CA6: variants seen among roughly 807,000 people sequenced by gnomAD.
CA6 encodes the protein carbonate dehydratase VI.
Under a neutral mutation model 35.9 loss-of-function variants are expected in CA6, and 28 were observed. The ratio of observed to expected loss-of-function variants is 0.78; its 90% CI spans 0.58 to 1.07. CA6 has a LOEUF of 1.07. Ranked by LOEUF, CA6 falls within the 50% of genes least tolerant of loss-of-function variation. CA6 has a pLI of 0.00. For missense variants in CA6, 377 were observed against 382.0 expected, an observed-to-expected ratio of 0.99 and a Z score of 0.11; for synonymous variants, 148 against 152.6, an observed-to-expected ratio of 0.97 and a Z score of 0.22.
chr1:8,967,672 C>T lies in CA6; in HGVS notation c.585C>T (p.Thr195=). ...CTTCTTGGTCAGGACAAAGAACAACCCTGACTGGCCTTGACGTTCAGGACA... is the reference window on the plus strand; with the variant it reads ...CTTCTTGGTCAGGACAAAGAACAACTCTGACTGGCCTTGACGTTCAGGACA... The part of the protein sequence containing the change: ...ANIKYPGQRT[T]LTGLDVQDML... The change falls in exon 6 of 8, where the codon ACC becomes ACT. Residue 195 remains threonine (T), a synonymous_variant. Coordinates refer to ENST00000377443, the MANE Select transcript of CA6 (RefSeq NM_001215.4). 6.2e-7 allele frequency: 1 copy of T among 1,613,974 alleles called. No homozygotes were observed. The highest frequency in any genetic ancestry group is 2.2e-5 in the East Asian group (1 of 44,880).
chr1:8,967,836 T>G lies in CA6; in HGVS notation c.729+20T>G. 6.2e-7 allele frequency: 1 copy of G among 1,610,884 alleles called. No homozygotes were observed. On this transcript the variant is annotated intron_variant, in intron 6 of 7. Coordinates refer to ENST00000377443, the MANE Select transcript of CA6 (RefSeq NM_001215.4). ...ACACAGGTAATGTATGGTATCACTT[T>G]GCCGAAGTCTTCCCATTCGATTGCC...
intron 2 of CA6, among the ~76,000 whole-genome samples, chr1:8,950,446 G>C (rs918665175): frequency 6.6e-6 from 1 of 152,218 alleles, no homozygotes; most frequent in Non-Finnish European, 1.5e-5. Context: ...GCCACACACT[G>C]TCTAATGGCC....
At chr1:8,962,732 C>A in intron 5 of CA6, 76 bp downstream of exon 5, 1 of 1,298,386 alleles carries the variant, frequency 7.7e-7, no homozygotes, top group Non-Finnish European at 1.1e-6. Flanking sequence ...GCCCAGGGGG[C>A]AGGGGATTGA....
At chr1:8,950,420 G>A (rs564011619) in intron 2 of CA6, among the ~76,000 whole-genome samples, 22 of 152,202 alleles carry the variant, frequency 1.4e-4, no homozygotes, top group African/African-American at 5.3e-4. Flanking sequence ...TCAGGAGGTC[G>A]AGGGACTCAC....
At chr1:8,955,552 T>C (rs188722861) in intron 2 of CA6, among the ~76,000 whole-genome samples, 240 of 152,000 alleles carry the variant, frequency 1.6e-3, no homozygotes, top group African/African-American at 5.5e-3. Flanking sequence ...TACTGTCCAT[T>C]TAGGGAGCTC....
intron 2 of CA6, among the ~76,000 whole-genome samples, chr1:8,955,633 G>GCCTCCTTTTAAGA (rs1639657549): frequency 1.3e-5 from 2 of 149,022 alleles, no homozygotes; most frequent in African/African-American, 5.1e-5. Flanking sequence ...TCCTTTTAAG[G>GCCTCCTTTTAAGA]CCCTTCCACG....
chr1:8,957,107 T>G (rs1639705785), intron 2 of CA6, 30 bp from the exon 3 acceptor site: 2 of 1,570,020 alleles, frequency 1.3e-6, no homozygotes, highest in Admixed American at 1.8e-5. Flanking sequence ...GTTCACCTAC[T>G]CTGCTCTCAG....
At chr1:8,948,105 C>G (rs1639417139) in intron 1 of CA6, among the ~76,000 whole-genome samples, 1 of 152,124 alleles carries the variant, frequency 6.6e-6, no homozygotes, top group African/African-American at 2.4e-5. Context: ...GCCTCGGCCT[C>G]CCAAAGTGTT....
At chr1:8,962,492 G>A (rs1307775487) in intron 4 of CA6, 95 bp from the exon 5 acceptor site, 29 of 1,033,356 alleles carry the variant, frequency 2.8e-5, no homozygotes, top group African/African-American at 6.3e-5. Context: ...CTCTAGGCTC[G>A]GCCCAATCCG....
intron 4 of CA6, among the ~76,000 whole-genome samples, chr1:8,961,754 T>C (rs1484822656): frequency 6.6e-6 from 1 of 152,228 alleles, no homozygotes; most frequent in East Asian, 1.9e-4. Flanking sequence ...TAGACCTTTT[T>C]CACCCAAAGC....
At chr1:8,970,530 A>G (rs894182805) in intron 6 of CA6, among the ~76,000 whole-genome samples, 2 of 151,728 alleles carry the variant, frequency 1.3e-5, no homozygotes, top group Non-Finnish European at 2.9e-5. Context: ...TTTTTTTGAG[A>G]CAGAGTTTCT....
rs60822496 is a variant in CA6 at position 8,958,163 on chromosome 1, G to T, written c.409-747G>T. Among the ~76,000 whole-genome samples, 432 of 152,072 alleles carry T rather than the reference G, an allele frequency of 2.8e-3. 20 individuals carry two copies. The South Asian group carries it at 0.05, about 18-fold the overall frequency. On this transcript the variant is annotated intron_variant, in intron 3 of 7. Transcript: ENST00000377443. ...GTTTCAGCTGGATTTCTATGTGTTAGATTTTCTTTTTTTTTGTTTCTTGAG... is the reference window on the plus strand; with the variant it reads ...GTTTCAGCTGGATTTCTATGTGTTATATTTTCTTTTTTTTTGTTTCTTGAG...
Position 8,957,283 on chromosome 1 carries a change from G to C in CA6, c.406G>C (p.Glu136Gln), listed in dbSNP as rs755976343. 3 of 1,609,010 alleles carry C rather than the reference G, an allele frequency of 1.9e-6. No homozygotes were observed. The highest frequency in any genetic ancestry group is 1.7e-5 in the Admixed American group (1 of 59,332). Residue 136 changes from glutamate to glutamine, a missense_variant and splice_region_variant, in exon 3 of 8, where the codon GAG becomes CAG. Physicochemically the swap from Glu to Gln is conservative, Grantham distance 29. Transcript: ENST00000377443. ...CGTGGACGGGATCAGACATGTGATC[G>C]AGGTACCTGAGGACCCCCACTGTGT... ...HTVDGIRHVI[E>Q]IHIVHYNSKY...
chr1:8,974,276 C>A, intron 7 of CA6: 2 of 1,075,758 alleles, frequency 1.9e-6, no homozygotes, highest in Non-Finnish European at 2.6e-6. Flanking sequence ...AGGTCAGTTA[C>A]AAAAACAAGA....
intron 2 of CA6, among the ~76,000 whole-genome samples, chr1:8,955,988 T>C (rs1639668170): frequency 6.6e-6 from 1 of 152,128 alleles, no homozygotes; most frequent in Non-Finnish European, 1.5e-5. Context: ...TCTGGGAGGC[T>C]GAGGAGGTTG....
intron 2 of CA6, among the ~76,000 whole-genome samples, chr1:8,955,746 G>A (rs529232809): frequency 3.4e-5 from 5 of 145,278 alleles, no homozygotes; most frequent in Admixed American, 2.8e-4. Context: ...CCAAACAGCC[G>A]GTGAAAACCT....
chr1:8,949,935 G>A (rs1348589239), intron 2 of CA6, among the ~76,000 whole-genome samples: 1 of 152,140 alleles, frequency 6.6e-6, no homozygotes, highest in Non-Finnish European at 1.5e-5. Flanking sequence ...AAAAAGCAGG[G>A]CCGTGGGGAT....
chr1:8,957,074 G>T, intron 2 of CA6, 63 bp from the exon 3 acceptor site: 1 of 1,450,566 alleles, frequency 6.9e-7, no homozygotes, highest in Non-Finnish European at 9.2e-7. Flanking sequence ...AAGCTACCCA[G>T]CCTGTAGGCC....
At chr1:8,955,047 ATTAATATATATT>A (rs1639638085) in intron 2 of CA6, among the ~76,000 whole-genome samples, 1 of 61,596 alleles carries the variant, frequency 1.6e-5, no homozygotes, top group African/African-American at 4.5e-5. Context: ...GCACTGATCC[ATTAATATATATT>A]GCCCAGGTGC....
Sources: allele counts gnomAD v4.1 joint callset (sites outside exome capture counted in the v4.1 genomes callset), GRCh38; gene constraint gnomAD v4.1.1; transcripts MANE v1.5; gene names NCBI Gene and HGNC (gene_info 2026-07-23, HGNC 2026-07-21).